ATRNL1: variants seen among roughly 807,000 people sequenced by gnomAD.
ATRNL1 encodes attractin-like protein 1.
ATRNL1 carries 95 observed loss-of-function variants against 182.7 expected under a neutral mutation model. That is an observed-to-expected ratio of 0.52 (90% confidence interval 0.44 to 0.62). The LOEUF is 0.62. ATRNL1 is among the 20% of genes least tolerant of loss of function. The pLI is 0.00. For synonymous variants in ATRNL1, 576 were observed against 568.3 expected (o/e 1.01, Z -0.19); for missense variants, 1,471 against 1,679.5 (o/e 0.88, Z 2.17).
intron 9 of ATRNL1, among the ~76,000 whole-genome samples, chr10:115,240,863 GTTGTAA>G (rs1850391380): frequency 6.6e-6 from 1 of 151,476 alleles, no homozygotes; most frequent in East Asian, 1.9e-4. Context: ...CACAAGATGC[GTTGTAA>G]TTGTAATTTT....
At position 115,765,009 on chromosome 10, in the gene ATRNL1, C is replaced by G. The variant is rs797036006; in HGVS notation, c.3903+37654C>G. Among the ~76,000 whole-genome samples, 7 of 152,224 alleles carry G rather than the reference C, an allele frequency of 4.6e-5. 1 individual carries two copies. The highest frequency in any genetic ancestry group is 1.4e-4 in the African/African-American group (6 of 41,566). On this transcript the variant is annotated intron_variant, in intron 27 of 28. Coordinates refer to ENST00000355044, the MANE Select transcript of ATRNL1 (RefSeq NM_207303.4). ...CTTTTTATGTCCTGATAGCTAATTT[C>G]TTTTTTAGAGCTAAATAATATCCCA...
chr10:115,376,415 A>G (rs1239705962), intron 19 of ATRNL1, among the ~76,000 whole-genome samples: 1 of 152,048 alleles, frequency 6.6e-6, no homozygotes, highest in African/African-American at 2.4e-5. Flanking sequence ...GGCCTCCCCA[A>G]GTAGCTAGGA....
chr10:115,533,340 T>C (rs553076409), intron 25 of ATRNL1, among the ~76,000 whole-genome samples: 5 of 152,242 alleles, frequency 3.3e-5, no homozygotes, highest in Non-Finnish European at 5.9e-5. Flanking sequence ...GGAGAGTGTA[T>C]GTATCGAGGA....
rs1249592150 is a variant in ATRNL1 at position 115,129,592 on chromosome 10, A to G, written c.829+57A>G. ...CATTGATTCATATATGTAATAGATT[A>G]ATACAAATTCCACACGTTTGTTTCG... is the stretch of plus-strand genomic sequence containing the variant. On this transcript the variant is annotated intron_variant, in intron 5 of 28. Transcript: ENST00000355044. 19 of 1,427,406 alleles carry G rather than the reference A, an allele frequency of 1.3e-5. No homozygotes were observed. In the East Asian group the frequency reaches 4.2e-4, roughly 31 times the overall value. The allele number at this position is 1,427,406 out of a possible 1,614,324, so 88.4% of individuals were successfully genotyped here.
intron 5 of ATRNL1, among the ~76,000 whole-genome samples, chr10:115,147,482 T>A (rs527954550): frequency 5.3e-5 from 8 of 151,990 alleles, no homozygotes; most frequent in Non-Finnish European, 8.8e-5. Context: ...TATAGTCTCA[T>A]TTGTCTATTT....
At chr10:115,581,754 T>C (rs1264863338) in intron 26 of ATRNL1, among the ~76,000 whole-genome samples, 1 of 151,486 alleles carries the variant, frequency 6.6e-6, no homozygotes, top group Non-Finnish European at 1.5e-5. Context: ...AACTTTTTTT[T>C]TTATTATACT....
At chr10:115,409,728 A>G (rs534092044) in intron 20 of ATRNL1, among the ~76,000 whole-genome samples, 1 of 152,318 alleles carries the variant, frequency 6.6e-6, no homozygotes, top group East Asian at 1.9e-4. Context: ...CCCTGATACC[A>G]AAACCAGACA....
intron 5 of ATRNL1, among the ~76,000 whole-genome samples, chr10:115,146,670 A>G (rs1554879438): frequency 1.3e-5 from 2 of 152,058 alleles, no homozygotes; most frequent in Non-Finnish European, 2.9e-5. Flanking sequence ...CTATACCTCC[A>G]TGAGATCAAC....
intron 25 of ATRNL1, among the ~76,000 whole-genome samples, chr10:115,531,040 G>A (rs1213565861): frequency 6.6e-6 from 1 of 152,010 alleles, no homozygotes; most frequent in African/African-American, 2.4e-5. Flanking sequence ...TTGGACATTT[G>A]GGTTGGTTCC....
intron 24 of ATRNL1, among the ~76,000 whole-genome samples, chr10:115,498,912 T>C (rs1440322584): frequency 3.9e-5 from 6 of 152,028 alleles, no homozygotes; most frequent in Admixed American, 1.3e-4. Flanking sequence ...AAGATAAGAC[T>C]GAATGATAAA....
Position 115,334,368 on chromosome 10 carries a change from G to A in ATRNL1, c.3124G>A (p.Asp1042Asn), listed in dbSNP as rs1855379849. Residue 1042 changes from aspartate (D) to asparagine (N), a missense_variant, in exon 19 of 29, where the codon GAT becomes AAT. By Grantham distance (23) the Asp-to-Asn change is conservative. Coordinates refer to ENST00000355044, the MANE Select transcript of ATRNL1 (RefSeq NM_207303.4). Reference sequence around the variant, plus strand: ...TCTCACCACAGGAAAGCAGTGTCAAGATTGTATGCCAGGTTATTATGGAGA... The same window carrying A: ...TCTCACCACAGGAAAGCAGTGTCAAAATTGTATGCCAGGTTATTATGGAGA... ...KNLTTGKQCQ[D>N]CMPGYYGDPT... 6.2e-7 allele frequency: 1 copy of A among 1,607,628 alleles called. No individual in the cohort carries two copies. Among genetic ancestry groups the A allele is most frequent in the Non-Finnish European group, 8.5e-7 (1 of 1,175,480 alleles).
intron 19 of ATRNL1, among the ~76,000 whole-genome samples, chr10:115,357,735 T>TTATA (rs1197166212): frequency 6.6e-6 from 1 of 151,694 alleles, no homozygotes; most frequent in Non-Finnish European, 1.5e-5. Context: ...TTAAAGGAAG[T>TTATA]ATATAAACAT....
chr10:115,474,973 T>C (rs1267503824), intron 24 of ATRNL1, among the ~76,000 whole-genome samples: 1 of 151,322 alleles, frequency 6.6e-6, no homozygotes, highest in Non-Finnish European at 1.5e-5. Flanking sequence ...GGTGATAATG[T>C]GCACAGATGC....
intron 10 of ATRNL1, among the ~76,000 whole-genome samples, chr10:115,246,553 CTT>C (rs1226864852): frequency 3.4e-5 from 4 of 117,904 alleles, no homozygotes; most frequent in Non-Finnish European, 3.6e-5. Flanking sequence ...CTCTCTCATT[CTT>C]TTTTTTTTTT....
intron 21 of ATRNL1, among the ~76,000 whole-genome samples, chr10:115,454,124 A>T (rs879982614): frequency 3.3e-5 from 5 of 152,026 alleles, no homozygotes; most frequent in Non-Finnish European, 5.9e-5. Flanking sequence ...TCATGTGAAT[A>T]TGCAGTTTTC....
chr10:115,924,989 G>A (rs55917752), intron 28 of ATRNL1, among the ~76,000 whole-genome samples: 26,369 of 152,046 alleles, frequency 0.17, 2,386 homozygotes, highest in Non-Finnish European at 0.2. Flanking sequence ...ATTCCTAGGT[G>A]TTTGATTCTC....
intron 9 of ATRNL1, among the ~76,000 whole-genome samples, chr10:115,231,037 G>T (rs1849928520): frequency 6.6e-6 from 1 of 152,046 alleles, no homozygotes; most frequent in Non-Finnish European, 1.5e-5. Flanking sequence ...GTGTCAGGAA[G>T]AATGGAAACT....
intron 25 of ATRNL1, among the ~76,000 whole-genome samples, chr10:115,546,338 G>A (rs1296588739): frequency 6.6e-6 from 1 of 151,970 alleles, no homozygotes; most frequent in African/African-American, 2.4e-5. Flanking sequence ...GCTGAGGAGG[G>A]CAGATCATGA....
intron 18 of ATRNL1, among the ~76,000 whole-genome samples, chr10:115,316,212 C>T (rs1554929639): frequency 6.6e-6 from 1 of 152,058 alleles, no homozygotes; most frequent in Non-Finnish European, 1.5e-5. Flanking sequence ...TGCAGTGTTT[C>T]GTTTTCTGTT....
Sources: gnomAD v4.1 joint callset for allele counts (sites outside exome capture counted in the v4.1 genomes callset) on GRCh38, gnomAD v4.1.1 for gene constraint, MANE v1.5 for transcripts, NCBI Gene and HGNC (gene_info 2026-07-23, HGNC 2026-07-21) for gene names.